The following HORMAD2 variants were observed in gnomAD, a reference collection of about 807,000 sequenced individuals.
HORMAD2 encodes the protein HORMA domain-containing protein 2.
Under a neutral mutation model 38.8 loss-of-function variants are expected in HORMAD2, and 45 were observed. The observed-to-expected ratio is 1.16, with a 90% CI of 0.91 to 1.49. HORMAD2 has a LOEUF of 1.49. Ranked by LOEUF, HORMAD2 falls within the 40% of genes most tolerant of loss-of-function variation. The pLI is 0.00. For synonymous variants in HORMAD2, 126 were observed against 122.8 expected (o/e 1.03, Z -0.17); for missense variants, 338 against 367.0 (o/e 0.92, Z 0.65).
chr22:30,085,734 C>A (rs2068559150), intron 1 of HORMAD2, among the ~76,000 whole-genome samples: 1 of 152,190 alleles, frequency 6.6e-6, no homozygotes, highest in Non-Finnish European at 1.5e-5. Context: ...ACCTGGGTGA[C>A]ACAGTGAGAG....
At chr22:30,166,750 A>G (rs1925808897) in intron 10 of HORMAD2, among the ~76,000 whole-genome samples, 1 of 152,236 alleles carries the variant, frequency 6.6e-6, no homozygotes. Context: ...TGTAGTGTGG[A>G]TATTCATTAG....
chr22:30,172,661 G>A (rs1926181679), intron 10 of HORMAD2, among the ~76,000 whole-genome samples: 1 of 152,184 alleles, frequency 6.6e-6, no homozygotes, highest in Non-Finnish European at 1.5e-5. Flanking sequence ...GCCAACGCAT[G>A]CGGATCACCT....
At chr22:30,207,375 CAAG>C in the HORMAD2 span, among the ~76,000 whole-genome samples, 43 of 152,090 alleles carry the variant, frequency 2.8e-4, no homozygotes, top group African/African-American at 9.6e-4. Flanking sequence ...GATTAGGAAG[CAAG>C]AAGAAGAAAA....
chr22:30,182,556 G>A, the HORMAD2 span, among the ~76,000 whole-genome samples: 3 of 152,154 alleles, frequency 2.0e-5, no homozygotes, highest in Non-Finnish European at 4.4e-5. Context: ...TGAAGGATCT[G>A]CCAATGAAAC....
chr22:30,137,047 C>T, intron 10 of HORMAD2: 1 of 379,624 alleles, frequency 2.6e-6, no homozygotes, highest in Non-Finnish European at 4.9e-6. Flanking sequence ...GTAAAATCAA[C>T]ACAAAACAGA....
chr22:30,104,661 G>A (rs894716359), intron 5 of HORMAD2: 2 of 390,466 alleles, frequency 5.1e-6, no homozygotes, highest in African/African-American at 4.2e-5. Context: ...CACATTTTTT[G>A]ACCACAGAGT....
chr22:30,157,460 T>TA (rs1028003771), intron 10 of HORMAD2, among the ~76,000 whole-genome samples: 3 of 151,794 alleles, frequency 2.0e-5, no homozygotes, highest in Non-Finnish European at 4.4e-5. Flanking sequence ...TTTTTTTTTT[T>TA]AACAGTGATG....
At chr22:30,110,352 A>C (rs1238757703) in intron 5 of HORMAD2, among the ~76,000 whole-genome samples, 1 of 151,774 alleles carries the variant, frequency 6.6e-6, no homozygotes, top group Non-Finnish European at 1.5e-5. Context: ...TTTATAATGC[A>C]AAAAAATTGC....
At chr22:30,085,708 T>C (rs2068558619) in intron 1 of HORMAD2, among the ~76,000 whole-genome samples, 1 of 152,218 alleles carries the variant, frequency 6.6e-6, no homozygotes, top group Admixed American at 6.5e-5. Flanking sequence ...AAGCTGATAT[T>C]ATACCACTGC....
chr22:30,172,183 A>C (rs1926150750), intron 10 of HORMAD2, among the ~76,000 whole-genome samples: 1 of 152,206 alleles, frequency 6.6e-6, no homozygotes, highest in South Asian at 2.1e-4. Flanking sequence ...TGTCCTAAAA[A>C]CAATGGATGA....
chr22:30,122,248 C>A, intron 10 of HORMAD2, 34 bp downstream of exon 10: 2 of 1,567,116 alleles, frequency 1.3e-6, no homozygotes, highest in South Asian at 1.2e-5. Flanking sequence ...TCTATCGTGT[C>A]AGTTAAACAC....
the HORMAD2 span, among the ~76,000 whole-genome samples, chr22:30,194,883 A>T: frequency 6.6e-6 from 1 of 152,172 alleles, no homozygotes; most frequent in Admixed American, 6.5e-5. Flanking sequence ...TCCCTGAACC[A>T]GTAGCAATTT....
chr22:30,206,694 C>A, the HORMAD2 span, among the ~76,000 whole-genome samples: 2 of 151,940 alleles, frequency 1.3e-5, no homozygotes, highest in Admixed American at 6.6e-5. Context: ...GTTGCCCAGG[C>A]TGGTCTCAAA....
chr22:30,098,922 C>A lies in HORMAD2; in HGVS notation c.122C>A (p.Thr41Asn), dbSNP rs906438713. The A allele has an allele frequency of 6.2e-7, 1 of 1,613,210 alleles. No homozygotes were observed. Among genetic ancestry groups the A allele is most frequent in the African/African-American group, 1.3e-5 (1 of 74,900 alleles). Residue 41 changes from threonine to asparagine, a missense_variant, in exon 3 of 11, where the codon ACT (threonine) becomes AAT (asparagine). By Grantham distance (65) the Thr-to-Asn change is moderately conservative (BLOSUM62 0). Coordinates refer to ENST00000336726, the MANE Select transcript of HORMAD2 (RefSeq NM_152510.4). ...SLKMVKKLFATSISCITYLRG... is the reference protein window; with the variant it reads ...SLKMVKKLFANSISCITYLRG... ...AAAATGGTGAAGAAACTTTTTGCTA[C>A]TTCCATCTCATGTATAACATACCTA...
chr22:30,153,049 C>T (rs1924851430), intron 10 of HORMAD2, among the ~76,000 whole-genome samples: 1 of 151,986 alleles, frequency 6.6e-6, no homozygotes, highest in Admixed American at 6.6e-5. Context: ...CTTTTCCACA[C>T]ATAGAACAAG....
chr22:30,202,886 G>T, the HORMAD2 span, among the ~76,000 whole-genome samples: 18 of 152,144 alleles, frequency 1.2e-4, 1 homozygote, highest in Non-Finnish European at 2.1e-4. Flanking sequence ...AAACAAAGCC[G>T]ATGCCAAGGA....
chr22:30,188,268 A>C, the HORMAD2 span, among the ~76,000 whole-genome samples: 3 of 152,182 alleles, frequency 2.0e-5, no homozygotes, highest in African/African-American at 4.8e-5. Flanking sequence ...TCTTGGGAGC[A>C]CAAGGAAATT....
chr22:30,202,327 T>C, the HORMAD2 span, among the ~76,000 whole-genome samples: 1 of 152,012 alleles, frequency 6.6e-6, no homozygotes, highest in Non-Finnish European at 1.5e-5. Flanking sequence ...TCATGGTCTT[T>C]ATGGCCTTTG....
intron 10 of HORMAD2, among the ~76,000 whole-genome samples, chr22:30,171,247 A>T (rs193183859): frequency 6.6e-6 from 1 of 152,052 alleles, no homozygotes; most frequent in Non-Finnish European, 1.5e-5. Context: ...TACATCTCCA[A>T]CCCAGACCTC....
Sources: gnomAD v4.1 joint callset for allele counts (sites outside exome capture counted in the v4.1 genomes callset) on GRCh38, gnomAD v4.1.1 for gene constraint, MANE v1.5 for transcripts, NCBI Gene and HGNC (gene_info 2026-07-23, HGNC 2026-07-21) for gene names.